GDE1: variants seen among roughly 807,000 people sequenced by gnomAD.
GDE1 encodes the protein glycerophosphodiester phosphodiesterase 1, also known as RGS16-interacting membrane protein.
GDE1 carries 24 observed loss-of-function variants against 32.2 expected under a neutral mutation model. That is an observed-to-expected ratio of 0.75 (90% confidence interval 0.54 to 1.05). The LOEUF is 1.05. Ranked by LOEUF, GDE1 falls within the 50% of genes least tolerant of loss-of-function variation. The probability of loss-of-function intolerance (pLI) is 0.00; values close to 1 mark genes in which losing one functional copy is unlikely to be tolerated. For synonymous variants in GDE1, 159 were observed against 158.6 expected (o/e 1.00, Z -0.02); for missense variants, 380 against 415.0 (o/e 0.92, Z 0.73).
Position 19,521,881 on chromosome 16 carries a change from C to A in GDE1, c.84G>T (p.Pro28=). Reference sequence around the variant, plus strand: ...TGCCGGTGAGGAGGCAGGCATTGACCGGGCTCCGCGTCACCAGCAGCAGCA... The same window carrying A: ...TGCCGGTGAGGAGGCAGGCATTGACAGGGCTCCGCGTCACCAGCAGCAGCA... ...LLVLLLVTRS[P]VNACLLTGSL... is the part of the protein sequence containing the mutation. Residue 28 remains proline (P), a synonymous_variant, in exon 1 of 6, where the codon CCG becomes CCT. Coordinates refer to ENST00000353258, the MANE Select transcript of GDE1 (RefSeq NM_016641.4). 6.2e-7 allele frequency: 1 copy of A among 1,603,218 alleles called. No homozygotes were observed. The highest frequency in any genetic ancestry group is 2.3e-5 in the East Asian group (1 of 44,420).
intron 3 of GDE1, 23 bp from the exon 4 acceptor site, chr16:19,507,802 T>C (rs1292376732): frequency 7.3e-6 from 8 of 1,100,530 alleles, no homozygotes; most frequent in Admixed American, 5.7e-5. Flanking sequence ...GAGATTCATA[T>C]ATTTAAAATT....
At chr16:19,509,661 GTT>G (rs11328002) in intron 3 of GDE1, among the ~76,000 whole-genome samples, 34 of 138,710 alleles carry the variant, frequency 2.5e-4, no homozygotes, top group East Asian at 4.4e-4. Flanking sequence ...CACATTTCAG[GTT>G]TTTTTTTTTT....
intron 2 of GDE1, among the ~76,000 whole-genome samples, chr16:19,514,520 G>T (rs1387534953): frequency 6.6e-6 from 1 of 152,156 alleles, no homozygotes; most frequent in Non-Finnish European, 1.5e-5. Flanking sequence ...TTTTCAGATT[G>T]TAATTTCCCT....
chr16:19,504,700 A>G, intron 5 of GDE1, 181 bp downstream of exon 5: 1 of 570,966 alleles, frequency 1.8e-6, no homozygotes, highest in Non-Finnish European at 3.1e-6. Context: ...ACTCGGTCTG[A>G]AAACAGTGAA....
chr16:19,521,934 G>A lies in GDE1; in HGVS notation c.31C>T (p.Leu11=). Residue 11 remains leucine, a synonymous_variant, in exon 1 of 6, where the codon CTG becomes TTG. Transcript: ENST00000353258. The part of the protein sequence containing the change: MWLWEDQGGL[L]GPFSFLLLVL... ...AGCAGCAGGAAGGAGAAAGGGCCCA[G>A]GAGGCCGCCCTGGTCCTCCCACAGC... The A allele has an allele frequency of 6.3e-7, 1 of 1,579,072 alleles. No individual in the cohort carries two copies. The highest frequency in any genetic ancestry group is 1.3e-5 in the African/African-American group (1 of 74,498).
intron 2 of GDE1, among the ~76,000 whole-genome samples, chr16:19,515,635 C>T (rs1969371700): frequency 6.6e-6 from 1 of 152,166 alleles, no homozygotes; most frequent in Admixed American, 6.5e-5. Flanking sequence ...TGATGACACT[C>T]AAGAACAATT....
rs1969228131 is a variant in GDE1, at chr16:19,505,017, T to A, written c.712A>T (p.Lys238Ter). The stretch of plus-strand genomic sequence containing the variant: ...TTCCAGAAAGTATCATAGCGTGGTT[T>A]CCCATCTCCTGTATGGCTTAGGCTC... ...PWSLSHTGDGKPRYDTFWKHF... is the reference protein window; with the variant it reads ...PWSLSHTGDG The change falls in exon 5 of 6, where the codon AAA (lysine) becomes TAA (stop). Residue 238 changes from lysine to a stop codon, truncating the protein, a stop_gained. Transcript: ENST00000353258. LOFTEE classifies it high-confidence loss of function. 1.2e-6 allele frequency: 2 copies of A among 1,613,068 alleles called. No homozygotes were observed. The highest frequency in any genetic ancestry group is 1.7e-6 in the Non-Finnish European group (2 of 1,179,000).
intron 4 of GDE1, among the ~76,000 whole-genome samples, chr16:19,507,216 A>G (rs1372799019): frequency 6.6e-6 from 1 of 152,088 alleles, no homozygotes; most frequent in Non-Finnish European, 1.5e-5. Context: ...TCTTAATGCA[A>G]TTTTATGGAT....
Position 19,521,939 on chromosome 16 carries a change from C to T in GDE1, c.26G>A (p.Gly9Asp). 1 of 1,568,298 alleles carries T rather than the reference C, an allele frequency of 6.4e-7. No individual in the cohort carries two copies. Among genetic ancestry groups the T allele is most frequent in the Non-Finnish European group, 8.7e-7 (1 of 1,155,944 alleles). ...CAGGAAGGAGAAAGGGCCCAGGAGG[C>T]CGCCCTGGTCCTCCCACAGCCACAT... is the stretch of plus-strand genomic sequence containing the variant. MWLWEDQG[G>D]LLGPFSFLLL... The change falls in exon 1 of 6, where the codon GGC becomes GAC. Residue 9 changes from glycine to aspartate, a missense_variant. Gly to Asp is a moderately conservative substitution (Grantham distance 94). Transcript: ENST00000353258.
intron 2 of GDE1, 35 bp downstream of exon 2, chr16:19,516,979 T>A: frequency 6.3e-7 from 1 of 1,582,564 alleles, no homozygotes; most frequent in Non-Finnish European, 8.7e-7. Flanking sequence ...CAATAAAAGC[T>A]AAAAGATCTG....
rs529204563 is a variant in GDE1, at chr16:19,516,891, C to T, written c.437+123G>A. ...TGGCACTTGCTCATTACTTACAAGA[C>T]CTACGTACAGTTCAAAACAAAACAA... On this transcript the variant is annotated intron_variant, in intron 2 of 5. Transcript: ENST00000353258. 6.2e-6 allele frequency: 5 copies of T among 806,290 alleles called. No individual in the cohort carries two copies. In the African/African-American group the frequency reaches 8.6e-5, roughly 14 times the overall value. 49.9% of individuals were successfully genotyped at this position (806,290 alleles called of 1,614,324 possible). A position where few individuals can be genotyped will look rare whatever the true frequency, so the allele number is the denominator to read the frequency against.
intron 1 of GDE1, among the ~76,000 whole-genome samples, chr16:19,520,283 T>C (rs968742823): frequency 4.6e-5 from 7 of 151,830 alleles, no homozygotes; most frequent in Admixed American, 1.3e-4. Context: ...ATGCCTGTAA[T>C]CGCAGCTACT....
chr16:19,511,343 A>G (rs539742523), intron 2 of GDE1, among the ~76,000 whole-genome samples: 8 of 152,238 alleles, frequency 5.3e-5, no homozygotes, highest in Admixed American at 5.2e-4. Flanking sequence ...ACCTCAAGTG[A>G]TCTACCTGCC....
rs1438163337 is a variant in GDE1, at chr16:19,502,770, C to T, written c.*700G>A. 1 of 152,158 alleles carries T rather than the reference C, an allele frequency of 6.6e-6. No homozygotes were observed. Among genetic ancestry groups the T allele is most frequent in the African/African-American group, 2.4e-5 (1 of 41,434 alleles). 9.4% of individuals were successfully genotyped at this position (152,158 alleles called of 1,614,324 possible). A position where few individuals can be genotyped will look rare whatever the true frequency, so the allele number is the denominator to read the frequency against. Reference sequence around the variant, plus strand: ...GGAAGTTTCTTCCAGTTCTAATTGCCTATGATCAGATCACATCTGTTGCAG... The same window carrying T: ...GGAAGTTTCTTCCAGTTCTAATTGCTTATGATCAGATCACATCTGTTGCAG... On this transcript the variant is annotated 3_prime_UTR_variant, in exon 6 of 6. Transcript: ENST00000353258.
At chr16:19,505,191 ATGGT>A (rs1969231676) in intron 4 of GDE1, 99 bp from the exon 5 acceptor site, 1 of 821,208 alleles carries the variant, frequency 1.2e-6, no homozygotes, top group South Asian at 1.5e-5. Context: ...TGAGGTGGTC[ATGGT>A]TGGTACCCTG....
Position 19,507,673 on chromosome 16 carries a change from AT to A in GDE1, c.636+13del. The stretch of plus-strand genomic sequence containing the variant: ...AGCTCACCTAATATGTACAAGAAAA[AT>A]CCCGAATGTTACCTTGTAGATAACT... On this transcript the variant is annotated intron_variant, in intron 4 of 5. Transcript: ENST00000353258. 7.4e-7 allele frequency: 1 copy of A among 1,355,202 alleles called. No homozygotes were observed. The highest frequency in any genetic ancestry group is 1.2e-5 in the South Asian group (1 of 85,684). 83.9% of individuals were successfully genotyped at this position (1,355,202 alleles called of 1,614,324 possible).
chr16:19,512,313 T>C (rs1181242652), intron 2 of GDE1, among the ~76,000 whole-genome samples: 1 of 151,966 alleles, frequency 6.6e-6, no homozygotes, highest in African/African-American at 2.4e-5. Flanking sequence ...TGCATTTCCC[T>C]AATAATTTGT....
chr16:19,509,661 GT>G (rs11328002), intron 3 of GDE1, among the ~76,000 whole-genome samples: 44,950 of 138,454 alleles, frequency 0.32, 6,859 homozygotes, highest in East Asian at 0.52. Flanking sequence ...CACATTTCAG[GT>G]TTTTTTTTTT....
Position 19,510,897 on chromosome 16 carries a change from G to A in GDE1, c.485C>T (p.Ala162Val). 1 of 1,604,150 alleles carries A rather than the reference G, an allele frequency of 6.2e-7. No individual in the cohort carries two copies. The highest frequency in any genetic ancestry group is 8.5e-7 in the Non-Finnish European group (1 of 1,172,944). The change falls in exon 3 of 6, where the codon GCA (alanine) becomes GTA (valine). Residue 162 changes from alanine to valine, a missense_variant. Transcript: ENST00000353258. ...TGTGAGGTTATGGTTTAGGCACTCT[G>A]CAACAGCTTCCCTTAGGGTAGGGAT... ...EKIPTLREAV[A>V]ECLNHNLTIF...
Sources: gnomAD v4.1 joint callset for allele counts (sites outside exome capture counted in the v4.1 genomes callset) on GRCh38, gnomAD v4.1.1 for gene constraint, MANE v1.5 for transcripts, NCBI Gene and HGNC (gene_info 2026-07-23, HGNC 2026-07-21) for gene names.